ZBTB38: variants seen among roughly 807,000 people sequenced by gnomAD.
The protein encoded by ZBTB38 is zinc finger and BTB domain-containing protein 38.
Under a neutral mutation model 76.8 loss-of-function variants are expected in ZBTB38, and 20 were observed. The ratio of observed to expected loss-of-function variants is 0.26; its 90% CI spans 0.18 to 0.38. The LOEUF (loss-of-function observed/expected upper bound fraction) is 0.38. Ranked by LOEUF, ZBTB38 falls within the 10% of genes least tolerant of loss-of-function variation. ZBTB38 has a pLI of 1.00. For synonymous variants in ZBTB38, 504 were observed against 544.2 expected (o/e 0.93, Z 1.03); for missense variants, 1,082 against 1,482.3 (o/e 0.73, Z 4.43).
intron 4 of ZBTB38, among the ~76,000 whole-genome samples, chr3:141,391,619 T>C (rs1948901468): frequency 6.6e-6 from 1 of 152,222 alleles, no homozygotes; most frequent in Non-Finnish European, 1.5e-5. Context: ...AGATTCAGTG[T>C]CAACCCAAGA....
intron 1 of ZBTB38, among the ~76,000 whole-genome samples, chr3:141,360,501 G>GA (rs1455875667): frequency 6.6e-6 from 1 of 152,164 alleles, no homozygotes; most frequent in African/African-American, 2.4e-5. Flanking sequence ...TGAGGGGATG[G>GA]AAAATCTTTT....
Position 141,443,969 on chromosome 3 carries a change from C to T in ZBTB38, c.1581C>T (p.Thr527=). ...TTTTCTGTCTTGAAACTTTCATGAC[C>T]TACTATATACTCAAAAATCATCAGA... ...QCIFCLETFM[T]YYILKNHQKS... Residue 527 remains threonine, a synonymous_variant, in exon 6 of 6, where the codon ACC becomes ACT. Transcript: ENST00000321464. This position sits in a 1 kb window ranked among gnomAD's most constrained non-coding sequence, Gnocchi z 5.6. 12 of 1,614,016 alleles carry T rather than the reference C, an allele frequency of 7.4e-6. No individual in the cohort carries two copies. The highest frequency in any genetic ancestry group is 1.0e-5 in the Non-Finnish European group (12 of 1,179,990).
chr3:141,399,843 A>C (rs1951334461), intron 4 of ZBTB38, among the ~76,000 whole-genome samples: 1 of 152,198 alleles, frequency 6.6e-6, no homozygotes, highest in African/African-American at 2.4e-5. Context: ...GGATAACAGA[A>C]ACCTGTGTGG....
At chr3:141,356,121 C>T (rs973723653) in intron 1 of ZBTB38, among the ~76,000 whole-genome samples, 7 of 151,894 alleles carry the variant, frequency 4.6e-5, no homozygotes, top group Admixed American at 6.6e-5. Flanking sequence ...TTAACAAAGG[C>T]GATGTGGAGC....
At chr3:141,326,882 A>G (rs989333457) in intron 1 of ZBTB38, among the ~76,000 whole-genome samples, 14 of 152,210 alleles carry the variant, frequency 9.2e-5, no homozygotes, top group African/African-American at 3.4e-4. Flanking sequence ...TTGTGGCACC[A>G]GTAGAACAAA....
chr3:141,390,478 C>T (rs1425075407), intron 4 of ZBTB38, among the ~76,000 whole-genome samples: 3 of 152,104 alleles, frequency 2.0e-5, no homozygotes, highest in South Asian at 2.1e-4. Flanking sequence ...CATCTCTTGC[C>T]ATAATACTAG....
At chr3:141,366,623 C>T (rs992953285), upstream of ZBTB38, 2 of 152,158 alleles carry the variant, frequency 1.3e-5, no homozygotes, top group African/African-American at 4.8e-5. Flanking sequence ...GGCAGAGCTC[C>T]CAGGAACAAG....
chr3:141,387,428 GTTTA>G (rs906320740), intron 4 of ZBTB38: 6 of 152,146 alleles, frequency 3.9e-5, no homozygotes, highest in African/African-American at 1.4e-4. Flanking sequence ...AAACTTACAT[GTTTA>G]TTATGCAGGT....
rs561572814 is a variant in ZBTB38 at position 141,413,792 on chromosome 3, T to G, written c.-1+9761T>G. Among the ~76,000 whole-genome samples the G allele has an allele frequency of 9.2e-5, 14 of 152,328 alleles. No homozygotes were observed. In the South Asian group the frequency reaches 2.7e-3, roughly 29 times the overall value. ...CTTTTTCTTGAAGCTTGAACAGACT[T>G]TATCATTAATGTGACTGACTGGAGC... On this transcript the variant is annotated intron_variant, in intron 5 of 5. Transcript: ENST00000321464. The surrounding 1 kb of genome is among the most constrained non-coding windows in gnomAD (Gnocchi z 4.1).
intron 1 of ZBTB38, among the ~76,000 whole-genome samples, chr3:141,345,196 G>A (rs775960123): frequency 9.2e-5 from 14 of 152,158 alleles, no homozygotes; most frequent in Admixed American, 4.6e-4. Context: ...ACTCCAGATA[G>A]ATGTATGGCT....
At chr3:141,410,585 C>T (rs1301622226) in intron 5 of ZBTB38, among the ~76,000 whole-genome samples, 1 of 152,200 alleles carries the variant, frequency 6.6e-6, no homozygotes, top group Non-Finnish European at 1.5e-5. Context: ...CCCATGAGAG[C>T]AAGCTGACCA....
chr3:141,347,798 A>G (rs1943408300), intron 1 of ZBTB38, among the ~76,000 whole-genome samples: 1 of 152,220 alleles, frequency 6.6e-6, no homozygotes, highest in South Asian at 2.1e-4. Context: ...GTCCCTGGAC[A>G]TTGGTAACAC....
At chr3:141,424,572 A>G (rs1440995478) in intron 5 of ZBTB38, among the ~76,000 whole-genome samples, 1 of 152,208 alleles carries the variant, frequency 6.6e-6, no homozygotes, top group Non-Finnish European at 1.5e-5. Flanking sequence ...TGCTTAGAAG[A>G]GATGCTAACA....
intron 5 of ZBTB38, among the ~76,000 whole-genome samples, chr3:141,410,013 G>A (rs1432903680): frequency 1.3e-5 from 2 of 152,222 alleles, no homozygotes; most frequent in Non-Finnish European, 2.9e-5. Context: ...GACTTTGCTT[G>A]TTTGGTTTCC....
intron 1 of ZBTB38, among the ~76,000 whole-genome samples, 179 bp from the exon 2 acceptor site, chr3:141,369,693 T>C (rs1405240629): frequency 6.6e-6 from 1 of 152,190 alleles, no homozygotes; most frequent in Non-Finnish European, 1.5e-5. Flanking sequence ...TTAAAATGAC[T>C]GGGAGCGGGG....
intron 2 of ZBTB38, among the ~76,000 whole-genome samples, chr3:141,377,975 G>A (rs1277452211): frequency 3.9e-5 from 6 of 152,124 alleles, no homozygotes; most frequent in East Asian, 3.9e-4. Flanking sequence ...CCAGGAGTTC[G>A]AGACCAGCCA....
chr3:141,367,852 T>C (rs1310253573), upstream of ZBTB38: 1 of 152,232 alleles, frequency 6.6e-6, no homozygotes, highest in East Asian at 1.9e-4. Context: ...ACAATTATCA[T>C]TCCTTAATTC....
rs758857933 is a variant in ZBTB38 at position 141,444,231 on chromosome 3, A to G, written c.1843A>G (p.Thr615Ala). 5 of 1,614,080 alleles carry G rather than the reference A, an allele frequency of 3.1e-6. No individual in the cohort carries two copies. The African/African-American group carries it at 5.3e-5, about 17-fold the overall frequency. Reference sequence around the variant, plus strand: ...GAATCCACACAGCTCTGAATTACCAACGCTGAATTTCCAAGATACTGTAAA... The same window carrying G: ...GAATCCACACAGCTCTGAATTACCAGCGCTGAATTTCCAAGATACTGTAAA... ...VQNPHSSELP[T>A]LNFQDTVNTL... is the part of the protein sequence containing the mutation. The change falls in exon 6 of 6, where the codon ACG becomes GCG. Residue 615 changes from threonine (T) to alanine (A), a missense_variant. Thr to Ala is a moderately conservative substitution (Grantham distance 58). Transcript: ENST00000321464. The surrounding 1 kb of genome is among the most constrained non-coding windows in gnomAD (Gnocchi z 5.1).
At chr3:141,434,236 G>T in intron 5 of ZBTB38, 2 of 983,832 alleles carry the variant, frequency 2.0e-6, no homozygotes, top group Non-Finnish European at 2.4e-6. Context: ...AACAAATGAG[G>T]ATTGCCAGGT....
Sources: allele counts gnomAD v4.1 joint callset (sites outside exome capture counted in the v4.1 genomes callset), GRCh38; gene constraint gnomAD v4.1.1; non-coding constraint Gnocchi (gnomAD v3.1); transcripts MANE v1.5; gene names NCBI Gene and HGNC (gene_info 2026-07-23, HGNC 2026-07-21).